MAF: variants seen among roughly 807,000 people sequenced by gnomAD.
MAF encodes the protein MAF bZIP transcription factor.
In MAF, 10 loss-of-function variants were observed where a neutral mutation model predicts 22.0. The observed-to-expected ratio is 0.45, with a 90% confidence interval of 0.28 to 0.77. The LOEUF (loss-of-function observed/expected upper bound fraction) is 0.77. Ranked by LOEUF, MAF falls within the 30% of genes least tolerant of loss-of-function variation. MAF has a pLI of 0.12. For missense variants in MAF, 544 were observed against 548.4 expected (o/e 0.99, Z 0.08); for synonymous variants, 337 against 255.8 (o/e 1.32, Z -3.03).
the MAF span, among the ~76,000 whole-genome samples, chr16:79,411,843 C>A: frequency 1.3e-5 from 2 of 152,176 alleles, no homozygotes; most frequent in Non-Finnish European, 2.9e-5. Context: ...TCTTCCTCAA[C>A]CACCCAGGCA....
At chr16:79,519,279 T>A in the MAF span, among the ~76,000 whole-genome samples, 2 of 152,096 alleles carry the variant, frequency 1.3e-5, no homozygotes, top group Non-Finnish European at 2.9e-5. Context: ...TCTCTGAAGA[T>A]AATGGAACCC....
the MAF span, among the ~76,000 whole-genome samples, chr16:79,417,399 T>C: frequency 1.3e-5 from 2 of 152,230 alleles, no homozygotes; most frequent in Non-Finnish European, 2.9e-5. Context: ...GCAGTATCTA[T>C]CCCCATTCTA....
the MAF span, among the ~76,000 whole-genome samples, chr16:79,492,632 C>T: frequency 6.6e-6 from 1 of 151,922 alleles, no homozygotes; most frequent in East Asian, 1.9e-4. Flanking sequence ...ATACAATGTC[C>T]ATCAATCATG....
the MAF span, among the ~76,000 whole-genome samples, chr16:79,427,914 C>T: frequency 6.6e-6 from 1 of 151,824 alleles, no homozygotes; most frequent in Non-Finnish European, 1.5e-5. Flanking sequence ...TTAACAGATA[C>T]AAAATGAATA....
chr16:79,489,330 C>G, the MAF span, among the ~76,000 whole-genome samples: 1 of 152,208 alleles, frequency 6.6e-6, no homozygotes, highest in Non-Finnish European at 1.5e-5. Flanking sequence ...TTCATCCATC[C>G]ACCCATTCAT....
chr16:79,536,179 A>C, the MAF span, among the ~76,000 whole-genome samples: 2 of 152,226 alleles, frequency 1.3e-5, no homozygotes, highest in Non-Finnish European at 2.9e-5. Flanking sequence ...TAGTCAACCT[A>C]CTTTTCATAA....
chr16:79,582,696 C>T (rs1912595121), downstream of MAF, among the ~76,000 whole-genome samples: 1 of 152,120 alleles, frequency 6.6e-6, no homozygotes, highest in Admixed American at 6.5e-5. Flanking sequence ...TAATAAAATG[C>T]TTTAAATGAA....
the MAF span, among the ~76,000 whole-genome samples, chr16:79,281,039 G>C: frequency 2.0e-5 from 3 of 152,154 alleles, no homozygotes; most frequent in East Asian, 3.9e-4. Context: ...GCAAGAGACA[G>C]GGAGAAAAAG....
At chr16:79,447,973 A>G in the MAF span, among the ~76,000 whole-genome samples, 1 of 151,838 alleles carries the variant, frequency 6.6e-6, no homozygotes, top group African/African-American at 2.4e-5. Flanking sequence ...CTCATAATAA[A>G]ACTTGAATGA....
the MAF span, among the ~76,000 whole-genome samples, chr16:79,234,987 G>C: frequency 6.6e-6 from 1 of 152,144 alleles, no homozygotes; most frequent in South Asian, 2.1e-4. Context: ...AAGGAAGACA[G>C]AGACACATCC....
chr16:79,372,524 G>A, the MAF span, among the ~76,000 whole-genome samples: 7 of 152,170 alleles, frequency 4.6e-5, no homozygotes, highest in African/African-American at 1.4e-4. Context: ...CCAGTCTTCA[G>A]AAAGATTACA....
chr16:79,395,955 G>T, the MAF span, among the ~76,000 whole-genome samples: 3 of 152,148 alleles, frequency 2.0e-5, no homozygotes, highest in African/African-American at 7.2e-5. Flanking sequence ...TGGCCCCCCC[G>T]GTGGCATTTG....
chr16:79,395,245 G>C, the MAF span, among the ~76,000 whole-genome samples: 1 of 152,166 alleles, frequency 6.6e-6, no homozygotes, highest in South Asian at 2.1e-4. Flanking sequence ...CCAAGGAGCT[G>C]GATCATATTC....
At chr16:79,477,559 A>G in the MAF span, among the ~76,000 whole-genome samples, 1 of 152,194 alleles carries the variant, frequency 6.6e-6, no homozygotes, top group Non-Finnish European at 1.5e-5. Flanking sequence ...GCATGGTCAC[A>G]GTTGCCTTAT....
At chr16:79,562,652 C>A in the MAF span, among the ~76,000 whole-genome samples, 1 of 152,168 alleles carries the variant, frequency 6.6e-6, no homozygotes, top group Non-Finnish European at 1.5e-5. Flanking sequence ...GGACTCCAGG[C>A]TGAAGTGCCA....
chr16:79,410,151 T>A, the MAF span, among the ~76,000 whole-genome samples: 2 of 152,206 alleles, frequency 1.3e-5, no homozygotes, highest in Admixed American at 1.3e-4. Flanking sequence ...AAGGCAAACA[T>A]CGAGCTGTAA....
chr16:79,531,955 C>T, the MAF span, among the ~76,000 whole-genome samples: 4 of 151,948 alleles, frequency 2.6e-5, no homozygotes, highest in South Asian at 2.1e-4. Context: ...GTCTGGGGAC[C>T]GTGGGAACTC....
At chr16:79,336,373 C>T in the MAF span, among the ~76,000 whole-genome samples, 2 of 152,208 alleles carry the variant, frequency 1.3e-5, no homozygotes. Flanking sequence ...CCCAAGGTCA[C>T]ATAGCCAGTA....
chr16:79,373,287 G>C, the MAF span, among the ~76,000 whole-genome samples: 1 of 143,286 alleles, frequency 7.0e-6, no homozygotes, highest in Non-Finnish European at 1.5e-5. Flanking sequence ...ATTGGTTCAA[G>C]AGGGCTCTGT....
Sources: gnomAD v4.1 joint callset for allele counts (sites outside exome capture counted in the v4.1 genomes callset) on GRCh38, gnomAD v4.1.1 for gene constraint, MANE v1.5 for transcripts, NCBI Gene and HGNC (gene_info 2026-07-23, HGNC 2026-07-21) for gene names.